FRMD3: variants seen among roughly 807,000 people sequenced by gnomAD.
FRMD3 encodes FERM domain containing 3.
A neutral mutation model predicts 70.2 loss-of-function variants in FRMD3; 33 were observed. That is an observed-to-expected ratio of 0.47 (90% CI 0.36 to 0.63). The LOEUF (loss-of-function observed/expected upper bound fraction) is 0.63. Among genes scored for constraint, FRMD3 ranks in the 20% least tolerant of loss-of-function variants. The pLI is 0.00. For synonymous variants in FRMD3, 279 were observed against 255.9 expected, an observed-to-expected ratio of 1.09 and a Z score of -0.86; for missense variants, 632 against 711.4, an observed-to-expected ratio of 0.89 and a Z score of 1.27.
At position 83,248,225 on chromosome 9, in the gene FRMD3, G is replaced by A; in HGVS notation, c.1487C>T (p.Ala496Val). The A allele has an allele frequency of 6.2e-7, 1 of 1,614,142 alleles. No individual in the cohort carries two copies. The highest frequency in any genetic ancestry group is 1.1e-5 in the South Asian group (1 of 91,082). ...AGCCTCCTTCAGCTCCTCTTCTTCA[G>A]CAATCAAAAAGGCGTTTTCATCTGC... Reference protein sequence around the residue: ...LEADENAFLIAEEEELKEARR... With the variant: ...LEADENAFLIVEEEELKEARR... The change falls in exon 14 of 14, where the codon GCT (alanine) becomes GTT (valine). Residue 496 changes from alanine to valine, a missense_variant. Physicochemically the swap from Ala to Val is moderately conservative, Grantham distance 64. This residue lies in a region of FRMD3 where 418 missense variants were observed against 442.1 expected (regional missense o/e 0.95). Transcript: ENST00000304195.
At chr9:83,283,145 G>T (rs574312142) in intron 13 of FRMD3, among the ~76,000 whole-genome samples, 6 of 152,344 alleles carry the variant, frequency 3.9e-5, no homozygotes, top group African/African-American at 1.4e-4. Context: ...AATCTGCAGA[G>T]CATGCTCAGG....
chr9:83,559,133 A>G, the FRMD3 span, among the ~76,000 whole-genome samples: 1 of 152,214 alleles, frequency 6.6e-6, no homozygotes, highest in Non-Finnish European at 1.5e-5. Context: ...GTTTTGAAAG[A>G]CATTCTATTG....
intron 3 of FRMD3, among the ~76,000 whole-genome samples, chr9:83,370,636 G>T (rs906328951): frequency 1.3e-5 from 2 of 152,216 alleles, no homozygotes; most frequent in Non-Finnish European, 2.9e-5. Context: ...TTTAGGGTGG[G>T]TGCAGTGGCT....
At chr9:83,291,676 A>T (rs1268408378) in intron 12 of FRMD3, among the ~76,000 whole-genome samples, 2 of 151,712 alleles carry the variant, frequency 1.3e-5, no homozygotes, top group Non-Finnish European at 2.9e-5. Flanking sequence ...TGGTGTACTG[A>T]TCATCCCCAC....
Position 83,375,885 on chromosome 9 carries a change from C to T in FRMD3, c.253-2930G>A, listed in dbSNP as rs570989846. 1.1e-3 allele frequency among the ~76,000 whole-genome samples: 172 copies of T among 152,242 alleles called. 1 individual carries two copies. Among genetic ancestry groups the T allele is most frequent in the South Asian group, 7.9e-3 (38 of 4,820 alleles). On this transcript the variant is annotated intron_variant, in intron 2 of 13. Coordinates refer to ENST00000304195, the MANE Select transcript of FRMD3 (RefSeq NM_174938.6). ...AACTTAAAAGTTAAAAAAGACCGGG[C>T]GCAGTGGCTCACACCTGTAATCCCA...
chr9:83,521,442 C>T lies in FRMD3; in HGVS notation c.147+16643G>A, dbSNP rs184372202. On this transcript the variant is annotated intron_variant, in intron 1 of 13. Transcript: ENST00000304195. Reference sequence around the variant, plus strand: ...TCAAGGCCGCAGTGAGCTATGATGGCGCCACTGCCCTCTAGCCTGGGTGAA... The same window carrying T: ...TCAAGGCCGCAGTGAGCTATGATGGTGCCACTGCCCTCTAGCCTGGGTGAA... Among the ~76,000 whole-genome samples the T allele has an allele frequency of 4.4e-3, 667 of 152,270 alleles. 1 individual carries two copies. Among genetic ancestry groups the T allele is most frequent in the Non-Finnish European group, 6.7e-3 (458 of 68,020 alleles).
chr9:83,366,064 G>A (rs1225112385), intron 3 of FRMD3, among the ~76,000 whole-genome samples: 1 of 152,046 alleles, frequency 6.6e-6, no homozygotes, highest in South Asian at 2.1e-4. Flanking sequence ...CACCAAGGAA[G>A]ACTCAAGGAA....
At chr9:83,387,802 C>G (rs1190745235) in intron 2 of FRMD3, among the ~76,000 whole-genome samples, 1 of 152,112 alleles carries the variant, frequency 6.6e-6, no homozygotes, top group African/African-American at 2.4e-5. Flanking sequence ...GTCCCCAGAC[C>G]AAAGCTGGCT....
chr9:83,286,642 A>T (rs539656789), intron 13 of FRMD3, among the ~76,000 whole-genome samples: 1 of 152,234 alleles, frequency 6.6e-6, no homozygotes, highest in African/African-American at 2.4e-5. Context: ...ATTAGACAAC[A>T]CTTTTAACAG....
At chr9:83,513,976 G>A (rs1449908293) in intron 1 of FRMD3, among the ~76,000 whole-genome samples, 2 of 152,214 alleles carry the variant, frequency 1.3e-5, no homozygotes, top group Non-Finnish European at 2.9e-5. Context: ...TGCAGACCAG[G>A]AGATTCCCTT....
intron 1 of FRMD3, among the ~76,000 whole-genome samples, chr9:83,507,818 T>G (rs1054622074): frequency 3.5e-5 from 5 of 143,754 alleles, no homozygotes; most frequent in Admixed American, 1.4e-4. Flanking sequence ...AGGAGTACAC[T>G]CCAAAATAAC....
chr9:83,354,179 G>A (rs948419314), intron 3 of FRMD3, among the ~76,000 whole-genome samples: 3 of 152,130 alleles, frequency 2.0e-5, no homozygotes, highest in African/African-American at 4.8e-5. Flanking sequence ...ACCTGCCTTG[G>A]CCTCCCAAAG....
intron 2 of FRMD3, among the ~76,000 whole-genome samples, chr9:83,387,773 T>A (rs978578906): frequency 4.6e-5 from 7 of 152,220 alleles, no homozygotes; most frequent in African/African-American, 1.7e-4. Flanking sequence ...GTTATGGCTA[T>A]GAATGTCTTT....
chr9:83,402,898 CTTTTTTTTTTTT>C (rs559570925), intron 1 of FRMD3, among the ~76,000 whole-genome samples: 5 of 87,296 alleles, frequency 5.7e-5, no homozygotes, highest in Admixed American at 3.0e-4. Flanking sequence ...TTCTTTCTTT[CTTTTTTTTTTTT>C]TTTTTTTTTT....
At chr9:83,555,389 C>G in the FRMD3 span, among the ~76,000 whole-genome samples, 1 of 146,732 alleles carries the variant, frequency 6.8e-6, no homozygotes, top group African/African-American at 2.5e-5. Flanking sequence ...CCACTTAAAG[C>G]AGCAGTCTGG....
intron 8 of FRMD3, among the ~76,000 whole-genome samples, chr9:83,311,142 C>G (rs980603391): frequency 6.6e-6 from 1 of 152,110 alleles, no homozygotes; most frequent in African/African-American, 2.4e-5. Flanking sequence ...AAAAATTATC[C>G]TTGTTTGAAA....
At position 83,248,094 on chromosome 9, in the gene FRMD3, G is replaced by A. The variant is rs1832202477; in HGVS notation, c.1618C>T (p.Leu540Phe). The A allele has an allele frequency of 4.3e-6, 7 of 1,614,172 alleles. No individual in the cohort carries two copies. The highest frequency in any genetic ancestry group is 5.1e-6 in the Non-Finnish European group (6 of 1,180,030). The part of the protein sequence containing the change: ...RLLVVGLGLL[L>F]FVFPLLLLLL... ...AGGAGGAGCAGGGGAAATACAAAGA[G>A]CAGCAGTCCCAGGCCCACCACAAGG... The change falls in exon 14 of 14, where the codon CTC becomes TTC. Residue 540 changes from leucine (L) to phenylalanine (F), a missense_variant. Physicochemically the swap from Leu to Phe is conservative, Grantham distance 22 (BLOSUM62 0). This residue lies in a region of FRMD3 where 418 missense variants were observed against 442.1 expected (regional missense o/e 0.95). Coordinates refer to ENST00000304195, the MANE Select transcript of FRMD3 (RefSeq NM_174938.6).
chr9:83,512,450 A>G (rs932729047), intron 1 of FRMD3, among the ~76,000 whole-genome samples: 2 of 152,336 alleles, frequency 1.3e-5, no homozygotes, highest in African/African-American at 4.8e-5. Flanking sequence ...GTATCACTTT[A>G]GAGAGAAGAC....
Position 83,537,944 on chromosome 9 carries a change from C to T in FRMD3, c.147+141G>A. On this transcript the variant is annotated intron_variant, in intron 1 of 13. Transcript: ENST00000304195. This position sits in a 1 kb window ranked among gnomAD's most constrained non-coding sequence, Gnocchi z 4.1. ...GGATAAGGCCCCCCACCCTCAGAGGCCTGAGGAATCGAAATCTGGCTTTCT... is the reference window on the plus strand; with the variant it reads ...GGATAAGGCCCCCCACCCTCAGAGGTCTGAGGAATCGAAATCTGGCTTTCT... 3 of 925,708 alleles carry T rather than the reference C, an allele frequency of 3.2e-6. No homozygotes were observed. Among genetic ancestry groups the T allele is most frequent in the Non-Finnish European group, 1.6e-6 (1 of 622,516 alleles). The allele number at this position is 925,708 out of a possible 1,614,324, so 57.3% of individuals were successfully genotyped here. A position where few individuals can be genotyped will look rare whatever the true frequency, so the allele number is the denominator to read the frequency against.
Sources: gnomAD v4.1 joint callset for allele counts (sites outside exome capture counted in the v4.1 genomes callset) on GRCh38, gnomAD v4.1.1 for gene constraint, gnomAD v4.1.1 regional missense constraint, Gnocchi (gnomAD v3.1) non-coding constraint, MANE v1.5 for transcripts, NCBI Gene and HGNC (gene_info 2026-07-23, HGNC 2026-07-21) for gene names.